Variants in ANO3 observed in about 807,000 individuals in gnomAD.
The protein encoded by ANO3 is anoctamin 3.
A neutral mutation model predicts 144.8 loss-of-function variants in ANO3; 99 were observed. The ratio of observed to expected loss-of-function variants is 0.68; its 90% CI spans 0.58 to 0.81. The LOEUF (loss-of-function observed/expected upper bound fraction) is 0.81, where lower values mean the gene tolerates loss of function less well. ANO3 is among the 30% of genes least tolerant of loss of function. The pLI, the probability that ANO3 is intolerant of heterozygous loss-of-function variation, is 0.00. For missense variants in ANO3, 905 were observed against 1,202.2 expected, an observed-to-expected ratio of 0.75 and a Z score of 3.66; for synonymous variants, 414 against 392.6, an observed-to-expected ratio of 1.05 and a Z score of -0.64.
Position 26,595,686 on chromosome 11 carries a change from C to T in ANO3, c.1448-2679C>T, listed in dbSNP as rs749896494. Among the ~76,000 whole-genome samples, 4 of 152,060 alleles carry T rather than the reference C, an allele frequency of 2.6e-5. No individual in the cohort carries two copies. The East Asian group carries it at 7.8e-4, about 30-fold the overall frequency. On this transcript the variant is annotated intron_variant, in intron 14 of 26. Transcript: ENST00000256737. ...GGAGTTCCTCCTAGGTCTGATCGGACTTTGTATGGTAATTAAGATTGAAAT... is the reference window on the plus strand; with the variant it reads ...GGAGTTCCTCCTAGGTCTGATCGGATTTTGTATGGTAATTAAGATTGAAAT...
chr11:26,324,630 C>G (rs541535398), intron 1 of ANO3, among the ~76,000 whole-genome samples: 1 of 152,256 alleles, frequency 6.6e-6, no homozygotes, highest in East Asian at 1.9e-4. Context: ...GAAACTGAAC[C>G]AATCAGATGT....
chr11:26,306,640 G>A (rs1412244726), upstream of ANO3, among the ~76,000 whole-genome samples: 1 of 152,124 alleles, frequency 6.6e-6, no homozygotes, highest in East Asian at 1.9e-4. Flanking sequence ...CTCCAGCCTG[G>A]ATGACAGAGT....
intron 7 of ANO3, among the ~76,000 whole-genome samples, chr11:26,530,459 G>GTCTATCTATCTA (rs543380394): frequency 5.1e-4 from 63 of 124,048 alleles, no homozygotes; most frequent in African/African-American, 1.5e-3. Flanking sequence ...CTATCTGTCT[G>GTCTATCTATCTA]TCTATCTATC....
chr11:26,205,099 G>T (rs1303545620), intron 1 of ANO3, among the ~76,000 whole-genome samples: 1 of 152,098 alleles, frequency 6.6e-6, no homozygotes, highest in Non-Finnish European at 1.5e-5. Context: ...TATCTCATGA[G>T]AACTCACTCA....
At chr11:26,645,123 G>T (rs1252394201) in intron 23 of ANO3, among the ~76,000 whole-genome samples, 1 of 151,852 alleles carries the variant, frequency 6.6e-6, no homozygotes, top group African/African-American at 2.4e-5. Context: ...GTTGTTTGCT[G>T]TCATTTTATT....
intron 1 of ANO3, among the ~76,000 whole-genome samples, chr11:26,189,626 G>C (rs901811549): frequency 6.6e-6 from 1 of 152,124 alleles, no homozygotes; most frequent in Non-Finnish European, 1.5e-5. Context: ...GCCTATCAAG[G>C]CTTAGTTTTG....
intron 1 of ANO3, among the ~76,000 whole-genome samples, chr11:26,407,724 G>A (rs546886911): frequency 5.3e-5 from 8 of 151,812 alleles, no homozygotes; most frequent in South Asian, 2.1e-4. Flanking sequence ...ATGGCTCTCC[G>A]TTTCTCTTAA....
chr11:26,550,589 T>C (rs934100697), intron 12 of ANO3, among the ~76,000 whole-genome samples: 1 of 152,050 alleles, frequency 6.6e-6, no homozygotes, highest in Non-Finnish European at 1.5e-5. Flanking sequence ...TGTTATCACA[T>C]ATGGCAGGAT....
At chr11:26,378,866 G>T (rs1016268153) in intron 1 of ANO3, among the ~76,000 whole-genome samples, 2 of 149,660 alleles carry the variant, frequency 1.3e-5, no homozygotes, top group South Asian at 4.4e-4. Context: ...GGCAAAGTTT[G>T]TATCATTATA....
chr11:26,322,013 C>G (rs1168343844), intron 1 of ANO3, among the ~76,000 whole-genome samples: 2 of 151,908 alleles, frequency 1.3e-5, no homozygotes, highest in Non-Finnish European at 2.9e-5. Context: ...ATATTTCATC[C>G]TATCATGTCT....
intron 14 of ANO3, among the ~76,000 whole-genome samples, chr11:26,577,036 C>T (rs1380453553): frequency 1.3e-5 from 2 of 152,064 alleles, no homozygotes; most frequent in Non-Finnish European, 2.9e-5. Context: ...TAAGGACATT[C>T]CTTGGCCACA....
At chr11:26,521,039 C>CATTA (rs1268281103) in intron 6 of ANO3, among the ~76,000 whole-genome samples, 22 of 3,376 alleles carry the variant, frequency 6.5e-3, no homozygotes, top group African/African-American at 7.3e-3. Context: ...ATGGATGTAA[C>CATTA]ATTAACTCCT....
At chr11:26,213,907 T>G (rs1452523600) in intron 1 of ANO3, among the ~76,000 whole-genome samples, 1 of 152,040 alleles carries the variant, frequency 6.6e-6, no homozygotes, top group Non-Finnish European at 1.5e-5. Context: ...ATCATTGAAG[T>G]TTAGTTATTT....
chr11:26,629,564 G>A (rs541891525), intron 18 of ANO3, among the ~76,000 whole-genome samples: 1 of 152,254 alleles, frequency 6.6e-6, no homozygotes, highest in East Asian at 1.9e-4. Flanking sequence ...TAGACAACGT[G>A]ATAGGGAGAC....
chr11:26,563,293 T>C, intron 14 of ANO3: 1 of 1,560,912 alleles, frequency 6.4e-7, no homozygotes, highest in Non-Finnish European at 8.6e-7. Context: ...TTTAAAGAAA[T>C]ATAAAATAAT....
At chr11:26,635,205 A>G (rs992104160) in intron 20 of ANO3, 135 bp downstream of exon 20, 6 of 675,278 alleles carry the variant, frequency 8.9e-6, no homozygotes, top group Non-Finnish European at 1.5e-5. Context: ...TTCAGAAAGG[A>G]AGCAACTACA....
At chr11:26,631,217 T>A (rs1852768074) in intron 18 of ANO3, among the ~76,000 whole-genome samples, 1 of 151,942 alleles carries the variant, frequency 6.6e-6, no homozygotes, top group Admixed American at 6.5e-5. Context: ...CTAGACTTCA[T>A]AAATGTTAGT....
At chr11:26,342,922 T>C (rs1330827602) in intron 1 of ANO3, among the ~76,000 whole-genome samples, 1 of 152,214 alleles carries the variant, frequency 6.6e-6, no homozygotes, top group Non-Finnish European at 1.5e-5. Context: ...GACATACACA[T>C]ACTTTGTAAA....
At chr11:26,642,779 C>T (rs1387967283) in intron 22 of ANO3, among the ~76,000 whole-genome samples, 1 of 149,216 alleles carries the variant, frequency 6.7e-6, no homozygotes, top group Non-Finnish European at 1.5e-5. Flanking sequence ...CCTCCTCCTT[C>T]TTCCTCCTCT....
Sources: gnomAD v4.1 joint callset for allele counts (sites outside exome capture counted in the v4.1 genomes callset) on GRCh38, gnomAD v4.1.1 for gene constraint, MANE v1.5 for transcripts, NCBI Gene and HGNC (gene_info 2026-07-23, HGNC 2026-07-21) for gene names.